COXFA4: variants seen among roughly 807,000 people sequenced by gnomAD.
The protein encoded by COXFA4 is cytochrome c oxidase subunit FA4.
At chr7:10,932,491 T>C in the COXFA4 span, 1 of 152,220 alleles carries the variant, frequency 6.6e-6, no homozygotes, top group Non-Finnish European at 1.5e-5. Context: ...TTAGTTCAGT[T>C]CCTGACATTT....
the COXFA4 span, chr7:10,937,976 A>C: frequency 5.9e-6 from 5 of 848,864 alleles, no homozygotes; most frequent in South Asian, 7.1e-5. Flanking sequence ...ACAGCTCTTT[A>C]AAGTTCAATA....
At chr7:10,939,037 G>C in the COXFA4 span, 2 of 645,296 alleles carry the variant, frequency 3.1e-6, no homozygotes, top group Admixed American at 2.6e-5. Flanking sequence ...AAATAAAGTA[G>C]ATCTTACATT....
the COXFA4 span, chr7:10,939,429 C>G: frequency 7.3e-5 from 13 of 177,596 alleles, no homozygotes; most frequent in South Asian, 1.3e-3. Context: ...GGATTTAAGA[C>G]AGATTAAAGA....
At chr7:10,937,755 G>C in the COXFA4 span, 2 of 254,466 alleles carry the variant, frequency 7.9e-6, no homozygotes, top group South Asian at 6.7e-5. Context: ...AGCTGAATCA[G>C]AATCTCTGGG....
the COXFA4 span, among the ~76,000 whole-genome samples, chr7:10,934,189 C>T: frequency 1.3e-5 from 2 of 152,006 alleles, no homozygotes; most frequent in African/African-American, 2.4e-5. Flanking sequence ...TTGTGGTTTA[C>T]ATAACTTCTA....
At chr7:10,933,517 T>C in the COXFA4 span, 1 of 754,062 alleles carries the variant, frequency 1.3e-6, no homozygotes, top group Non-Finnish European at 2.3e-6. Flanking sequence ...ACAATAGAGA[T>C]CTCCAACATG....
chr7:10,932,891 G>C, the COXFA4 span: 1 of 151,400 alleles, frequency 6.6e-6, no homozygotes, highest in African/African-American at 2.4e-5. Flanking sequence ...GATCACTTAA[G>C]CCCGGGAGGT....
chr7:10,938,721 T>C, the COXFA4 span: 4 of 895,256 alleles, frequency 4.5e-6, no homozygotes, highest in South Asian at 1.3e-5. Context: ...TTCTTTCTAC[T>C]ACCCTAATGT....
the COXFA4 span, chr7:10,937,870 T>G: frequency 3.6e-4 from 206 of 564,696 alleles, 1 homozygote; most frequent in South Asian, 4.4e-3. Flanking sequence ...ATGATAGCTA[T>G]ACTATTTTTC....
chr7:10,937,479 C>T, the COXFA4 span, among the ~76,000 whole-genome samples: 2 of 152,060 alleles, frequency 1.3e-5, no homozygotes, highest in South Asian at 2.1e-4. Flanking sequence ...GATGGGGTTT[C>T]ACCATATTGG....
the COXFA4 span, among the ~76,000 whole-genome samples, chr7:10,934,067 G>A: frequency 6.6e-6 from 1 of 152,080 alleles, no homozygotes; most frequent in Non-Finnish European, 1.5e-5. Context: ...ATCGCCAACA[G>A]AATAGAGGAT....
the COXFA4 span, chr7:10,938,689 T>C: frequency 2.5e-5 from 19 of 760,580 alleles, no homozygotes; most frequent in African/African-American, 1.0e-4. Flanking sequence ...TCTGAACTTA[T>C]TGTATGACTG....
chr7:10,940,060 T>C, the COXFA4 span: 3 of 1,613,624 alleles, frequency 1.9e-6, no homozygotes, highest in African/African-American at 1.3e-5. Flanking sequence ...CGGAGCATGT[T>C]TGCGGCAGAG....
the COXFA4 span, chr7:10,939,766 T>C: frequency 1.2e-5 from 7 of 571,620 alleles, no homozygotes; most frequent in South Asian, 7.8e-5. Flanking sequence ...ATTCACTAAC[T>C]AGAAAAAACT....
At chr7:10,937,624 A>T in the COXFA4 span, among the ~76,000 whole-genome samples, 1 of 152,092 alleles carries the variant, frequency 6.6e-6, no homozygotes. Context: ...TGTATGCAAA[A>T]TTTTTTACAC....
the COXFA4 span, among the ~76,000 whole-genome samples, chr7:10,937,291 T>G: frequency 3.7e-3 from 537 of 144,060 alleles, 4 homozygotes; most frequent in African/African-American, 0.013. Flanking sequence ...GTTTTTTGGG[T>G]TTTTTTTTTT....
chr7:10,939,792 G>A, the COXFA4 span: 2 of 636,570 alleles, frequency 3.1e-6, no homozygotes, highest in Non-Finnish European at 2.8e-6. Context: ...TTTTTTCCGA[G>A]CAGTGTCCGT....
At chr7:10,933,056 A>G in the COXFA4 span, 2 of 152,678 alleles carry the variant, frequency 1.3e-5, no homozygotes, top group Non-Finnish European at 2.9e-5. Flanking sequence ...TACTAGCACC[A>G]TGGTTAGCAC....
At chr7:10,934,778 G>T in the COXFA4 span, among the ~76,000 whole-genome samples, 1 of 152,014 alleles carries the variant, frequency 6.6e-6, no homozygotes, top group Admixed American at 6.6e-5. Context: ...CCAAGTTATC[G>T]TTGAGATACA....
Sources: gnomAD v4.1 joint callset for allele counts (sites outside exome capture counted in the v4.1 genomes callset) on GRCh38, gnomAD v4.1.1 for gene constraint, MANE v1.5 for transcripts, NCBI Gene and HGNC (gene_info 2026-07-23, HGNC 2026-07-21) for gene names.